Variants in PTPRN2 observed in about 807,000 individuals in gnomAD.
PTPRN2 encodes protein tyrosine phosphatase receptor type N2.
PTPRN2 carries 74 observed loss-of-function variants against 118.8 expected under a neutral mutation model. The ratio of observed to expected loss-of-function variants is 0.62; its 90% CI spans 0.52 to 0.76. PTPRN2 has a LOEUF of 0.76. Among genes scored for constraint, PTPRN2 ranks in the 30% least tolerant of loss-of-function variants. The pLI is 0.00. For synonymous variants in PTPRN2, 641 were observed against 608.0 expected (o/e 1.05, Z -0.80); for missense variants, 1,481 against 1,394.4 (o/e 1.06, Z -0.99).
At position 158,341,970 on chromosome 7, in the gene PTPRN2, C is replaced by G. The variant is rs1302288706; in HGVS notation, c.164-25038G>C. On this transcript the variant is annotated intron_variant, in intron 2 of 22. Coordinates refer to ENST00000389418, the MANE Select transcript of PTPRN2 (RefSeq NM_002847.5). ...AGAGCTGTCGCCCGCAGACGTCACT[C>G]ACACCCACACTCTCACCATAAGAGG... Among the ~76,000 whole-genome samples, 4 of 149,708 alleles carry G rather than the reference C, an allele frequency of 2.7e-5. No homozygotes were observed. The East Asian group carries it at 8.0e-4, about 30-fold the overall frequency.
At chr7:158,146,970 C>A (rs13312544) in intron 6 of PTPRN2, among the ~76,000 whole-genome samples, 66 of 129,144 alleles carry the variant, frequency 5.1e-4, no homozygotes, top group African/African-American at 1.9e-3. Context: ...CCCCATCTCA[C>A]GCCACGTGTC....
chr7:158,527,716 T>C (rs1324515961), intron 1 of PTPRN2, among the ~76,000 whole-genome samples: 1 of 152,254 alleles, frequency 6.6e-6, no homozygotes, highest in Admixed American at 6.5e-5. Flanking sequence ...CACACAGAGC[T>C]GGCCATTCCC....
chr7:158,341,032 C>CTA (rs1338206067), intron 2 of PTPRN2, among the ~76,000 whole-genome samples: 4 of 16,832 alleles, frequency 2.4e-4, no homozygotes, highest in Non-Finnish European at 4.1e-4. Flanking sequence ...CACACCCACA[C>CTA]TCACCATGAG....
chr7:157,555,175 A>C (rs544353297), intron 21 of PTPRN2, among the ~76,000 whole-genome samples: 16 of 152,356 alleles, frequency 1.1e-4, no homozygotes, highest in Admixed American at 3.3e-4. Flanking sequence ...AAGCTCAGCA[A>C]ATGTAAATCG....
chr7:158,404,804 C>A (rs1267990555), intron 2 of PTPRN2, among the ~76,000 whole-genome samples: 2 of 132,530 alleles, frequency 1.5e-5, no homozygotes, highest in South Asian at 2.8e-4. Context: ...AGCTCCCTGG[C>A]CCCCAGCTCC....
chr7:158,321,634 G>A lies in PTPRN2; in HGVS notation c.164-4702C>T, dbSNP rs80305293. 2.4e-3 allele frequency among the ~76,000 whole-genome samples: 367 copies of A among 152,278 alleles called. 4 individuals are homozygous for A. In the East Asian group the frequency reaches 0.052, roughly 22 times the overall value. On this transcript the variant is annotated intron_variant, in intron 2 of 22. Coordinates refer to ENST00000389418, the MANE Select transcript of PTPRN2 (RefSeq NM_002847.5). ...TTCGTCCAGAACGGGCATTCCATGC[G>A]CAACCTTAATTCCAAGTCTCACTGC...
intron 3 of PTPRN2, among the ~76,000 whole-genome samples, chr7:158,263,300 A>G (rs73522330): frequency 0.02 from 3,119 of 152,314 alleles, 113 homozygotes; most frequent in African/African-American, 0.071. Context: ...ACATGTGCAC[A>G]CCGTGTGTGG....
chr7:158,358,574 G>A (rs1035126773), intron 2 of PTPRN2, among the ~76,000 whole-genome samples: 1 of 152,228 alleles, frequency 6.6e-6, no homozygotes, highest in African/African-American at 2.4e-5. Flanking sequence ...GCAGCTGAGG[G>A]GTGGAGAAAC....
intron 21 of PTPRN2, among the ~76,000 whole-genome samples, chr7:157,549,340 G>A (rs1156780031): frequency 7.2e-6 from 1 of 138,698 alleles, no homozygotes; most frequent in South Asian, 2.2e-4. Flanking sequence ...TTTTTTTTGT[G>A]ACACTTCAGG....
rs558487810 is a variant in PTPRN2 at position 157,875,946 on chromosome 7, C to T, written c.1788+22727G>A. Among the ~76,000 whole-genome samples the T allele has an allele frequency of 5.3e-5, 8 of 149,830 alleles. 1 individual carries two copies. Among genetic ancestry groups the T allele is most frequent in the Admixed American group, 2.7e-4 (4 of 15,082 alleles). On this transcript the variant is annotated intron_variant, in intron 12 of 22. Coordinates refer to ENST00000389418, the MANE Select transcript of PTPRN2 (RefSeq NM_002847.5). The stretch of plus-strand genomic sequence containing the variant: ...CGGGCTGCAGAGGGTCAGGAGGGGC[C>T]GAGCCCCCAGGCCAGGCATCCCCAG...
chr7:158,002,522 G>C (rs1387459195), intron 11 of PTPRN2, among the ~76,000 whole-genome samples: 1 of 152,142 alleles, frequency 6.6e-6, no homozygotes, highest in Non-Finnish European at 1.5e-5. Context: ...TGCAGTGAAG[G>C]AACAACGGGG....
At chr7:158,275,810 G>A (rs555705711) in intron 3 of PTPRN2, among the ~76,000 whole-genome samples, 7 of 152,234 alleles carry the variant, frequency 4.6e-5, no homozygotes, top group East Asian at 3.9e-4. Context: ...CCAAAGCCAC[G>A]GACCTGGTGC....
intron 11 of PTPRN2, among the ~76,000 whole-genome samples, chr7:157,945,769 C>A (rs536131374): frequency 1.7e-5 from 2 of 114,728 alleles, no homozygotes; most frequent in East Asian, 4.1e-4. Flanking sequence ...ATGCCGCCTC[C>A]AGCTTGGACA....
chr7:157,969,648 G>T (rs1406772572), intron 11 of PTPRN2, among the ~76,000 whole-genome samples: 2 of 152,046 alleles, frequency 1.3e-5, no homozygotes, highest in Non-Finnish European at 2.9e-5. Context: ...GGGTCTGAAT[G>T]GGGGTGGCTG....
chr7:158,149,873 G>A (rs1391764798), intron 6 of PTPRN2, among the ~76,000 whole-genome samples: 5 of 151,266 alleles, frequency 3.3e-5, no homozygotes, highest in Non-Finnish European at 7.4e-5. Context: ...GGAATTTTTG[G>A]GATCTAAGTT....
At chr7:157,544,869 A>G (rs73181272) in intron 22 of PTPRN2, among the ~76,000 whole-genome samples, 61,067 of 150,926 alleles carry the variant, frequency 0.4, 13,186 homozygotes, top group Middle Eastern at 0.59. Context: ...CTGTGTGTGG[A>G]TGTGCATCGT....
intron 13 of PTPRN2, among the ~76,000 whole-genome samples, chr7:157,672,288 C>T (rs1796455529): frequency 6.6e-6 from 1 of 152,170 alleles, no homozygotes; most frequent in Non-Finnish European, 1.5e-5. Flanking sequence ...GTTTTCTAGA[C>T]TTTCCCCTTC....
intron 3 of PTPRN2, among the ~76,000 whole-genome samples, chr7:158,224,877 A>G (rs1828634545): frequency 1.3e-5 from 2 of 152,204 alleles, no homozygotes; most frequent in South Asian, 4.1e-4. Flanking sequence ...AAAACTAAAC[A>G]TTAAAAACAT....
intron 3 of PTPRN2, among the ~76,000 whole-genome samples, chr7:158,262,725 C>G (rs1563054860): frequency 6.6e-6 from 1 of 150,730 alleles, no homozygotes; most frequent in Non-Finnish European, 1.5e-5. Context: ...ACATTGCGCA[C>G]ACATACATTC....
Sources: allele counts gnomAD v4.1 joint callset (sites outside exome capture counted in the v4.1 genomes callset), GRCh38; gene constraint gnomAD v4.1.1; transcripts MANE v1.5; gene names NCBI Gene and HGNC (gene_info 2026-07-23, HGNC 2026-07-21).